Variants in CERS2 observed in about 807,000 individuals in gnomAD.
CERS2 encodes LAG1 homolog, ceramide synthase 2.
Under a neutral mutation model 56.6 loss-of-function variants are expected in CERS2, and 20 were observed. The ratio of observed to expected loss-of-function variants is 0.35; its 90% CI spans 0.25 to 0.51. The LOEUF (loss-of-function observed/expected upper bound fraction) is 0.51. CERS2 is among the 20% of genes least tolerant of loss of function. The pLI, the probability that CERS2 is intolerant of heterozygous loss-of-function variation, is 0.96. For synonymous variants in CERS2, 187 were observed against 175.4 expected, an observed-to-expected ratio of 1.07 and a Z score of -0.52; for missense variants, 361 against 488.6, an observed-to-expected ratio of 0.74 and a Z score of 2.46.
chr1:150,968,363 T>G (rs2102768867), intron 3 of CERS2, 32 bp downstream of exon 3: 1 of 1,570,534 alleles, frequency 6.4e-7, no homozygotes, highest in Middle Eastern at 1.7e-4. Flanking sequence ...AACTCAGTGA[T>G]TCCCAGAGCC....
At chr1:150,972,329 A>T (rs998044108) in intron 1 of CERS2, among the ~76,000 whole-genome samples, 1 of 152,196 alleles carries the variant, frequency 6.6e-6, no homozygotes, top group African/African-American at 2.4e-5. Context: ...GGGAGGCCCC[A>T]GATTCAGCAG....
At chr1:150,968,262 C>A (rs1433872846) in intron 3 of CERS2, 61 bp from the exon 4 acceptor site, 9 of 1,543,972 alleles carry the variant, frequency 5.8e-6, no homozygotes, top group Non-Finnish European at 7.1e-6. Flanking sequence ...GCATCCCCAG[C>A]CTCTCCCAGT....
intron 1 of CERS2, 153 bp from the exon 2 acceptor site, chr1:150,969,244 G>C (rs1170737101): frequency 4.6e-6 from 3 of 649,896 alleles, no homozygotes; most frequent in Non-Finnish European, 7.9e-6. Flanking sequence ...GGGCAAATCA[G>C]TTTCCTCATC....
chr1:150,966,923 G>C, intron 8 of CERS2, 61 bp from the exon 9 acceptor site: 4 of 1,434,780 alleles, frequency 2.8e-6, no homozygotes, highest in Non-Finnish European at 3.9e-6. Flanking sequence ...ACATTCATAT[G>C]TACACTCCAG....
chr1:150,970,227 C>CAAAAAA (rs35333038), intron 1 of CERS2, among the ~76,000 whole-genome samples: 2 of 51,198 alleles, frequency 3.9e-5, no homozygotes, highest in African/African-American at 1.0e-4. Context: ...GACTCTGTCT[C>CAAAAAA]AAAAAAAAAA....
At chr1:150,974,348 G>A (rs1671264420) in intron 1 of CERS2, 1 of 150,916 alleles carries the variant, frequency 6.6e-6, no homozygotes, top group African/African-American at 2.4e-5. Flanking sequence ...TCCGGCTCAG[G>A]GCGGCGCTGC....
chr1:150,971,918 C>T (rs587675006), intron 1 of CERS2: 1 of 471,132 alleles, frequency 2.1e-6, no homozygotes, highest in Admixed American at 2.3e-5. Context: ...GTTGCCCTGG[C>T]AGTCCTAGAC....
At chr1:150,973,220 T>TAA (rs1220657292) in intron 1 of CERS2, 1 of 152,180 alleles carries the variant, frequency 6.6e-6, no homozygotes, top group East Asian at 1.9e-4. Flanking sequence ...AGCCAGATTG[T>TAA]AAAAAAGAGG....
At position 150,966,148 on chromosome 1, in the gene CERS2, T is replaced by C; in HGVS notation, c.1143A>G (p.Ter381TrpextTer12). 1 of 1,611,570 alleles carries C rather than the reference T, an allele frequency of 6.2e-7. No homozygotes were observed. The highest frequency in any genetic ancestry group is 8.5e-7 in the Non-Finnish European group (1 of 1,179,294). ...ILNNNHRKND* is the reference protein window; with the variant it reads ...ILNNNHRKNDW ...TCTGGGAGGCAGCTGGAGTAATGGT[T>C]CAGTCATTCTTACGATGGTTGTTAT... The change falls in exon 11 of 11, where the codon TGA becomes TGG. Residue 381 changes from the stop codon to tryptophan, a stop_lost. Transcript: ENST00000368954.
rs772977125 is a variant in CERS2 at position 150,967,693 on chromosome 1, T to C, written c.490A>G (p.Lys164Glu). 5 of 1,613,912 alleles carry C rather than the reference T, an allele frequency of 3.1e-6. No individual in the cohort carries two copies. The African/African-American group carries it at 6.7e-5, about 22-fold the overall frequency. The stretch of plus-strand genomic sequence containing the variant: ...ATGGGATATCCCTCCCAAACTTTCT[T>C]CATGTCATAGAACCAGGGTTTCTGC... ...IVDKPWFYDM[K>E]KVWEGYPIQS... The change falls in exon 6 of 11, where the codon AAG (lysine) becomes GAG (glutamate). Residue 164 changes from lysine to glutamate, a missense_variant. Physicochemically the swap from Lys to Glu is moderately conservative, Grantham distance 56. Coordinates refer to ENST00000368954, the MANE Select transcript of CERS2 (RefSeq NM_022075.5).
chr1:150,971,539 T>G (rs1558034143), intron 1 of CERS2, among the ~76,000 whole-genome samples: 3 of 150,466 alleles, frequency 2.0e-5, no homozygotes, highest in African/African-American at 4.9e-5. Flanking sequence ...CTCCCCCAAA[T>G]CACACACACA....
Position 150,965,317 on chromosome 1 carries a change from C to T in CERS2, c.*831G>A, listed in dbSNP as rs1214433035. 6.6e-6 allele frequency: 1 copy of T among 152,398 alleles called. No individual in the cohort carries two copies. Among genetic ancestry groups the T allele is most frequent in the East Asian group, 1.9e-4 (1 of 5,198 alleles). The allele number at this position is 152,398 out of a possible 1,614,324, so 9.4% of individuals were successfully genotyped here. On this transcript the variant is annotated 3_prime_UTR_variant, in exon 11 of 11. Transcript: ENST00000368954. ...TTTTAAAAAAAACCCATTAACAGTA[C>T]ATTTTGGTCTAAAATGGTCCCTCTG... is the stretch of plus-strand genomic sequence containing the variant.
intron 1 of CERS2, among the ~76,000 whole-genome samples, chr1:150,972,263 C>T (rs1671200000): frequency 6.6e-6 from 1 of 152,234 alleles, no homozygotes; most frequent in Non-Finnish European, 1.5e-5. Flanking sequence ...CCACAGCCCT[C>T]CCTGGTGGTC....
At chr1:150,970,764 A>G (rs1671158802) in intron 1 of CERS2, among the ~76,000 whole-genome samples, 1 of 152,170 alleles carries the variant, frequency 6.6e-6, no homozygotes, top group Non-Finnish European at 1.5e-5. Context: ...GCAACCTGCC[A>G]GCCTTGGCCT....
rs1280196805 is a variant in CERS2, at chr1:150,965,265, T to C, written c.*883A>G. 1 of 152,678 alleles carries C rather than the reference T, an allele frequency of 6.5e-6. No individual in the cohort carries two copies. Among genetic ancestry groups the C allele is most frequent in the African/African-American group, 2.4e-5 (1 of 41,468 alleles). 9.5% of individuals were successfully genotyped at this position (152,678 alleles called of 1,614,324 possible). ...TCTGACACTTATTGCCATGTTTTATTTAATATTTTTTATTTAATCTTTTAA... is the reference window on the plus strand; with the variant it reads ...TCTGACACTTATTGCCATGTTTTATCTAATATTTTTTATTTAATCTTTTAA... On this transcript the variant is annotated 3_prime_UTR_variant, in exon 11 of 11. Transcript: ENST00000368954.
chr1:150,970,010 T>C (rs1406721928), intron 1 of CERS2, among the ~76,000 whole-genome samples: 4 of 152,004 alleles, frequency 2.6e-5, no homozygotes, highest in Admixed American at 1.3e-4. Flanking sequence ...GGCTGATCAC[T>C]TGAGCTCAGG....
chr1:150,968,662 C>A, intron 2 of CERS2, 150 bp from the exon 3 acceptor site: 1 of 735,668 alleles, frequency 1.4e-6, no homozygotes, highest in Non-Finnish European at 2.3e-6. Context: ...GACAAAGCTG[C>A]CTGTGTGTTC....
At chr1:150,968,894 A>AT (rs1261021051) in intron 2 of CERS2, 24 bp downstream of exon 2, 5 of 1,605,736 alleles carry the variant, frequency 3.1e-6, no homozygotes, top group Admixed American at 1.7e-5. Context: ...AGGGGAAGGC[A>AT]TGAGGGTAGG....
rs587603681 is a variant in CERS2, at chr1:150,973,679, C to T, written c.-2+940G>A. Among the ~76,000 whole-genome samples the T allele has an allele frequency of 7.2e-5, 11 of 152,340 alleles. No individual in the cohort carries two copies. The East Asian group carries it at 2.1e-3, about 29-fold the overall frequency. On this transcript the variant is annotated intron_variant, in intron 1 of 10. Transcript: ENST00000368954. ...CTCCGGTATGCGGCAGCAACCGCCA[C>T]CCACCCCTGCCCCAGCACAGATATG...
Sources: allele counts gnomAD v4.1 joint callset (sites outside exome capture counted in the v4.1 genomes callset), GRCh38; gene constraint gnomAD v4.1.1; transcripts MANE v1.5; gene names NCBI Gene and HGNC (gene_info 2026-07-23, HGNC 2026-07-21).